Variants in CTNNA2 observed in about 807,000 individuals in gnomAD.
The protein encoded by CTNNA2 is catenin alpha 2.
Under a neutral mutation model 101.0 loss-of-function variants are expected in CTNNA2, and 42 were observed. That is an observed-to-expected ratio of 0.42 (90% confidence interval 0.32 to 0.54). The LOEUF (loss-of-function observed/expected upper bound fraction) is 0.54, where lower values mean the gene tolerates loss of function less well. CTNNA2 is among the 20% of genes least tolerant of loss of function. The pLI is 0.14. For synonymous variants in CTNNA2, 450 were observed against 456.4 expected (o/e 0.99, Z 0.18); for missense variants, 871 against 1,223.1 (o/e 0.71, Z 4.29).
chr2:79,946,379 T>C (rs1349310996), intron 7 of CTNNA2, among the ~76,000 whole-genome samples: 3 of 152,194 alleles, frequency 2.0e-5, no homozygotes, highest in Non-Finnish European at 2.9e-5. Flanking sequence ...ACCCTTTGGC[T>C]CACCATGTTA....
At chr2:79,965,944 T>C (rs1157061383) in intron 7 of CTNNA2, among the ~76,000 whole-genome samples, 2 of 150,704 alleles carry the variant, frequency 1.3e-5, no homozygotes, top group African/African-American at 4.9e-5. Flanking sequence ...TCTTGAAACA[T>C]CTAAAAATAA....
intron 3 of CTNNA2, among the ~76,000 whole-genome samples, chr2:79,827,270 T>C (rs987871887): frequency 1.4e-4 from 22 of 152,250 alleles, no homozygotes; most frequent in Middle Eastern, 3.4e-3. Context: ...ACTCCTGACC[T>C]CAGGTGATCC....
chr2:79,496,365 A>G (rs1340291453), intron 4 of CTNNA2, among the ~76,000 whole-genome samples: 2 of 152,140 alleles, frequency 1.3e-5, no homozygotes, highest in Non-Finnish European at 2.9e-5. Context: ...TTGTATCTTA[A>G]ACACAATGGA....
intron 3 of CTNNA2, among the ~76,000 whole-genome samples, chr2:79,365,678 C>T (rs1484618351): frequency 6.7e-6 from 1 of 148,730 alleles, no homozygotes; most frequent in Admixed American, 6.7e-5. Flanking sequence ...GGGGACATGA[C>T]AAGATGATTC....
chr2:79,744,817 T>A (rs1028758172), intron 3 of CTNNA2, among the ~76,000 whole-genome samples: 1 of 152,214 alleles, frequency 6.6e-6, no homozygotes, highest in African/African-American at 2.4e-5. Flanking sequence ...ATCTTCAAGA[T>A]GTTTCTTCTT....
At chr2:79,831,838 C>T (rs1265292332) in intron 3 of CTNNA2, among the ~76,000 whole-genome samples, 2 of 147,814 alleles carry the variant, frequency 1.4e-5, no homozygotes, top group Non-Finnish European at 3.0e-5. Context: ...GTATTTCCTG[C>T]TTAGTTATTT....
intron 3 of CTNNA2, among the ~76,000 whole-genome samples, chr2:79,327,976 G>A (rs191274065): frequency 1.5e-3 from 169 of 110,068 alleles, no homozygotes; most frequent in African/African-American, 5.1e-3. Flanking sequence ...ATGGGGTTGC[G>A]GGGGTGAGGG....
chr2:79,231,090 T>A (rs181883470), intron 2 of CTNNA2, among the ~76,000 whole-genome samples: 158 of 152,252 alleles, frequency 1.0e-3, no homozygotes, highest in Admixed American at 2.0e-3. Context: ...AATACTGAGA[T>A]AAGACTTTGG....
chr2:79,528,191 G>A (rs547537631), intron 1 of CTNNA2, among the ~76,000 whole-genome samples: 3 of 124,678 alleles, frequency 2.4e-5, no homozygotes, highest in Non-Finnish European at 3.5e-5. Context: ...ATGGGTACAC[G>A]TTCTCTTTTT....
chr2:79,450,796 CGTT>C (rs1435881483), intron 4 of CTNNA2, among the ~76,000 whole-genome samples: 2 of 152,048 alleles, frequency 1.3e-5, no homozygotes, highest in African/African-American at 2.4e-5. Context: ...CTACATTAAA[CGTT>C]GAAATGAATG....
intron 2 of CTNNA2, among the ~76,000 whole-genome samples, chr2:79,203,218 C>A (rs1674060064): frequency 6.6e-6 from 1 of 152,120 alleles, no homozygotes; most frequent in Admixed American, 6.6e-5. Flanking sequence ...TCTCCAAAAT[C>A]CTGTTCATTT....
intron 7 of CTNNA2, among the ~76,000 whole-genome samples, chr2:80,195,397 G>A (rs1283988787): frequency 6.6e-6 from 1 of 152,090 alleles, no homozygotes; most frequent in African/African-American, 2.4e-5. Context: ...TGATATTTTG[G>A]TTTGTGAATC....
chr2:79,859,174 T>C (rs1681386028), intron 4 of CTNNA2, among the ~76,000 whole-genome samples: 2 of 152,072 alleles, frequency 1.3e-5, no homozygotes, highest in African/African-American at 4.8e-5. Flanking sequence ...AACCAATTGC[T>C]CGCTTGGTTA....
At chr2:79,553,728 C>A (rs547488255) in intron 1 of CTNNA2, among the ~76,000 whole-genome samples, 2 of 152,188 alleles carry the variant, frequency 1.3e-5, no homozygotes, top group Non-Finnish European at 2.9e-5. Context: ...GATGTCTGCC[C>A]TCTTGATCCA....
chr2:80,132,169 A>G (rs560357130), intron 7 of CTNNA2, among the ~76,000 whole-genome samples: 16 of 152,222 alleles, frequency 1.1e-4, no homozygotes, highest in Middle Eastern at 3.4e-3. Flanking sequence ...GTGGAAGTGA[A>G]GACGTCTTAG....
At chr2:80,163,980 C>T (rs1704502021) in intron 7 of CTNNA2, among the ~76,000 whole-genome samples, 1 of 150,642 alleles carries the variant, frequency 6.6e-6, no homozygotes. Flanking sequence ...TTTTTTCATC[C>T]TTCTGTATGT....
In CTNNA2 at chr2:79,398,849, TAA is replaced by T. The variant is rs5832388; in HGVS notation, c.-135+24848_-135+24849del. On this transcript the variant is annotated intron_variant, in intron 4 of 21. Transcript: ENST00000466387. The stretch of plus-strand genomic sequence containing the variant: ...TGCCACAATCTGAGAAGTGTTTAGT[TAA>T]AAAAAAAAAAAGAAAAAAAGTTGAA... 6.2e-3 allele frequency among the ~76,000 whole-genome samples: 912 copies of T among 146,158 alleles called. 3 individuals carry two copies. The highest frequency in any genetic ancestry group is 0.016 in the African/African-American group (610 of 39,326).
At chr2:79,825,717 A>G (rs993022834) in intron 3 of CTNNA2, among the ~76,000 whole-genome samples, 3 of 152,214 alleles carry the variant, frequency 2.0e-5, no homozygotes, top group Non-Finnish European at 2.9e-5. Flanking sequence ...AGGAAATATC[A>G]TATAGATGAT....
chr2:79,595,031 G>A (rs17714736), intron 1 of CTNNA2, among the ~76,000 whole-genome samples: 7,025 of 151,826 alleles, frequency 0.046, 228 homozygotes, highest in Non-Finnish European at 0.066. Flanking sequence ...ATTGATCAAG[G>A]AACCTAATGA....
Sources: gnomAD v4.1 joint callset for allele counts (sites outside exome capture counted in the v4.1 genomes callset) on GRCh38, gnomAD v4.1.1 for gene constraint, MANE v1.5 for transcripts, NCBI Gene and HGNC (gene_info 2026-07-23, HGNC 2026-07-21) for gene names.